Variants in TRPM3 observed in about 807,000 individuals in gnomAD.
TRPM3 encodes transient receptor potential cation channel subfamily M member 3.
In TRPM3, 77 loss-of-function variants were observed where a neutral mutation model predicts 181.2. That is an observed-to-expected ratio of 0.42 (90% confidence interval 0.35 to 0.51). The LOEUF (loss-of-function observed/expected upper bound fraction) is 0.51. TRPM3 is among the 20% of genes least tolerant of loss of function. The pLI is 0.01. For missense variants in TRPM3, 1,759 were observed against 2,196.7 expected (o/e 0.80, Z 3.98); for synonymous variants, 745 against 796.4 (o/e 0.94, Z 1.09).
chr9:71,260,481 C>T (rs1333753327), intron 1 of TRPM3, among the ~76,000 whole-genome samples: 3 of 152,166 alleles, frequency 2.0e-5, no homozygotes, highest in Non-Finnish European at 4.4e-5. Flanking sequence ...GCACTACAGC[C>T]ATTTTTATGA....
rs1565023788 is a variant in TRPM3, at chr9:71,032,052, T to TA, written c.177+89125dup. ...AATATAAATATATATATATATATTATATATATTATATATATTATATTATAT... is the reference window on the plus strand; with the variant it reads ...AATATAAATATATATATATATATTATAATATATTATATATATTATATTATAT... On this transcript the variant is annotated intron_variant, in intron 1 of 25. Transcript: ENST00000677713. Among the ~76,000 whole-genome samples, 45 of 4,746 alleles carry TA rather than the reference T, an allele frequency of 9.5e-3. 7 individuals are homozygous for TA. The highest frequency in any genetic ancestry group is 6.1e-3 in the Admixed American group (1 of 164). The allele number at this position is 4,746 out of a possible 152,430, so 3.1% of individuals were successfully genotyped here.
chr9:70,965,119 T>G (rs896933966), intron 1 of TRPM3, among the ~76,000 whole-genome samples: 2 of 152,020 alleles, frequency 1.3e-5, no homozygotes, highest in African/African-American at 4.8e-5. Context: ...TATCCTTTTT[T>G]TTATTTATTT....
intron 1 of TRPM3, among the ~76,000 whole-genome samples, chr9:71,247,966 C>A (rs1169868005): frequency 6.6e-6 from 1 of 152,162 alleles, no homozygotes; most frequent in Non-Finnish European, 1.5e-5. Context: ...AAAGACCAGC[C>A]TTGCTAGGCT....
chr9:71,263,610 A>G (rs1223266578), intron 1 of TRPM3, among the ~76,000 whole-genome samples: 1 of 152,184 alleles, frequency 6.6e-6, no homozygotes, highest in African/African-American at 2.4e-5. Context: ...TATCCTCTAC[A>G]GCACTTACAT....
At chr9:70,832,001 A>ATATTTATATATATATATAT (rs1564497915) in intron 5 of TRPM3, among the ~76,000 whole-genome samples, 7 of 126,054 alleles carry the variant, frequency 5.6e-5, no homozygotes, top group African/African-American at 1.2e-4. Flanking sequence ...ATATATACCT[A>ATATTTATATATATATATAT]CTATGTACCC....
chr9:70,991,593 A>G (rs1028140170), intron 1 of TRPM3, among the ~76,000 whole-genome samples: 1 of 134,796 alleles, frequency 7.4e-6, no homozygotes, highest in Admixed American at 8.4e-5. Flanking sequence ...TAAGGGATCC[A>G]TAGGCTTTCC....
chr9:70,849,865 C>T (rs1047142408), intron 3 of TRPM3, among the ~76,000 whole-genome samples: 1 of 152,118 alleles, frequency 6.6e-6, no homozygotes, highest in African/African-American at 2.4e-5. Flanking sequence ...TGGAAAACCC[C>T]ATTGTTTCAA....
intron 1 of TRPM3, among the ~76,000 whole-genome samples, chr9:70,976,392 C>T (rs900495652): frequency 1.3e-5 from 2 of 152,170 alleles, no homozygotes; most frequent in African/African-American, 4.8e-5. Flanking sequence ...GGTGAGTGTT[C>T]CCTGGACACC....
At chr9:71,360,875 A>C (rs2092113509) in intron 1 of TRPM3, among the ~76,000 whole-genome samples, 1 of 152,234 alleles carries the variant, frequency 6.6e-6, no homozygotes, top group African/African-American at 2.4e-5. Flanking sequence ...GAAAAAAAAG[A>C]AGGAAGAGGA....
rs4439195 is a variant in TRPM3 at position 70,555,822 on chromosome 9, T to C, written c.3224-2512A>G. 7.0e-3 allele frequency among the ~76,000 whole-genome samples: 1,066 copies of C among 152,256 alleles called. 30 individuals are homozygous for C. The East Asian group carries it at 0.098, about 14-fold the overall frequency. On this transcript the variant is annotated intron_variant, in intron 22 of 25. Coordinates refer to ENST00000677713, the MANE Select transcript of TRPM3 (RefSeq NM_001366145.2). ...CTGGTCACTCCTCTATTCTGCCCTT[T>C]CCTCTGGCTCCTGCTCAGATCTCTG...
At chr9:70,857,018 T>C (rs2095406366) in intron 3 of TRPM3, among the ~76,000 whole-genome samples, 1 of 152,198 alleles carries the variant, frequency 6.6e-6, no homozygotes, top group Admixed American at 6.6e-5. Flanking sequence ...TGATACTATG[T>C]TGGCTGATGG....
intron 1 of TRPM3, among the ~76,000 whole-genome samples, chr9:71,390,084 T>C (rs2093026501): frequency 6.6e-6 from 1 of 152,026 alleles, no homozygotes; most frequent in Admixed American, 6.6e-5. Context: ...ATATGACACA[T>C]GAGTTAAATA....
chr9:71,076,588 G>A (rs1293161308), intron 1 of TRPM3, among the ~76,000 whole-genome samples: 3 of 152,136 alleles, frequency 2.0e-5, no homozygotes, highest in South Asian at 2.1e-4. Flanking sequence ...TCTCAAAAGC[G>A]TTTGACAAGA....
At chr9:71,407,575 A>T (rs190444653) in intron 1 of TRPM3, among the ~76,000 whole-genome samples, 5 of 152,324 alleles carry the variant, frequency 3.3e-5, no homozygotes, top group Admixed American at 6.5e-5. Context: ...AGCAGCCAGG[A>T]AGCTCAAAAT....
chr9:70,630,901 T>C lies in TRPM3; in HGVS notation c.1632+4310A>G, dbSNP rs116079775. 9.0e-3 allele frequency among the ~76,000 whole-genome samples: 1,374 copies of C among 152,280 alleles called. 19 individuals are homozygous for C. The highest frequency in any genetic ancestry group is 0.031 in the African/African-American group (1,299 of 41,552). ...AAACCTTTTAATTAAAAGCATAGTT[T>C]AAATTCACTTATTAGATCTGCTCTT... On this transcript the variant is annotated intron_variant, in intron 12 of 25. Transcript: ENST00000677713.
chr9:71,358,593 C>T (rs1422821086), intron 1 of TRPM3, among the ~76,000 whole-genome samples: 3 of 152,078 alleles, frequency 2.0e-5, no homozygotes, highest in Admixed American at 6.6e-5. Context: ...ATCAGCAAGC[C>T]CTCTAACAAG....
At chr9:71,285,966 C>A (rs1187877674) in intron 1 of TRPM3, among the ~76,000 whole-genome samples, 6 of 152,170 alleles carry the variant, frequency 3.9e-5, no homozygotes, top group African/African-American at 1.4e-4. Flanking sequence ...TTGTCTATAA[C>A]TTTCCTTCAA....
At chr9:71,371,672 G>T (rs112529378) in intron 1 of TRPM3, among the ~76,000 whole-genome samples, 2,256 of 152,296 alleles carry the variant, frequency 0.015, 66 homozygotes, top group African/African-American at 0.05. Context: ...TGATAACAAA[G>T]GTTATAAACT....
At position 71,279,034 on chromosome 9, in the gene TRPM3, T is replaced by TAAAAAAAAAAAAAAAAAAAAA. The variant is rs200421016; in HGVS notation, c.183+167618_183+167619insTTTTTTTTTTTTTTTTTTTTT. The stretch of plus-strand genomic sequence containing the variant: ...CCTCACCAAACTTATCCTGCTTAGG[T>TAAAAAAAAAAAAAAAAAAAAA]TAAAAAAAATAAAAATAAAAATAAA... On this transcript the variant is annotated intron_variant, in intron 1 of 24. Coordinates refer to the TRPM3 transcript ENST00000357533. Among the ~76,000 whole-genome samples, 17 of 47,566 alleles carry TAAAAAAAAAAAAAAAAAAAAA rather than the reference T, an allele frequency of 3.6e-4. 1 individual carries two copies. Among genetic ancestry groups the TAAAAAAAAAAAAAAAAAAAAA allele is most frequent in the African/African-American group, 1.7e-3 (16 of 9,618 alleles). The allele number at this position is 47,566 out of a possible 152,430, so 31.2% of individuals were successfully genotyped here.
Sources: allele counts gnomAD v4.1 joint callset (sites outside exome capture counted in the v4.1 genomes callset), GRCh38; gene constraint gnomAD v4.1.1; transcripts MANE v1.5; gene names NCBI Gene and HGNC (gene_info 2026-07-23, HGNC 2026-07-21).